Variants in CDH8 observed in about 807,000 individuals in gnomAD.
CDH8 encodes the protein cadherin-8.
In CDH8, 17 loss-of-function variants were observed where a neutral mutation model predicts 68.1. That is an observed-to-expected ratio of 0.25 (90% confidence interval 0.17 to 0.37). CDH8 has a LOEUF of 0.37. Among genes scored for constraint, CDH8 ranks in the 10% least tolerant of loss-of-function variants. The pLI is 1.00. For missense variants in CDH8, 763 were observed against 999.3 expected (o/e 0.76, Z 3.19); for synonymous variants, 372 against 365.1 (o/e 1.02, Z -0.21).
chr16:61,657,248 T>C (rs1963466056), intron 10 of CDH8, among the ~76,000 whole-genome samples: 1 of 152,260 alleles, frequency 6.6e-6, no homozygotes, highest in South Asian at 2.1e-4. Flanking sequence ...GGAAAACTAC[T>C]GTACCATATA....
intron 7 of CDH8, among the ~76,000 whole-genome samples, chr16:61,796,992 A>T (rs1363515669): frequency 6.6e-6 from 1 of 152,100 alleles, no homozygotes; most frequent in Non-Finnish European, 1.5e-5. Flanking sequence ...GTTGATATTA[A>T]ATAGAAACTT....
intron 10 of CDH8, among the ~76,000 whole-genome samples, chr16:61,670,623 T>C (rs1458882064): frequency 6.6e-6 from 1 of 152,050 alleles, no homozygotes; most frequent in Non-Finnish European, 1.5e-5. Context: ...GAATTATTAC[T>C]TGTTGATTAA....
intron 2 of CDH8, among the ~76,000 whole-genome samples, chr16:61,953,923 ATAT>A (rs1964939988): frequency 2.1e-5 from 3 of 141,162 alleles, no homozygotes; most frequent in African/African-American, 5.3e-5. Context: ...ATATATATAT[ATAT>A]AAAATACCTT....
chr16:61,824,554 T>A, intron 5 of CDH8, among the ~76,000 whole-genome samples: 1 of 151,468 alleles, frequency 6.6e-6, no homozygotes. Flanking sequence ...AAGAGTGGAG[T>A]CTTACTGATG....
At chr16:61,796,172 A>G (rs1391335500) in intron 7 of CDH8, among the ~76,000 whole-genome samples, 4 of 152,078 alleles carry the variant, frequency 2.6e-5, no homozygotes, top group African/African-American at 4.8e-5. Context: ...AAAAAAGGGA[A>G]TAGATAAGAG....
chr16:61,999,365 A>T (rs1219091071), intron 2 of CDH8, among the ~76,000 whole-genome samples: 2 of 152,230 alleles, frequency 1.3e-5, no homozygotes, highest in African/African-American at 4.8e-5. Context: ...GCTATTAAAA[A>T]GGAAGATTGA....
intron 2 of CDH8, among the ~76,000 whole-genome samples, chr16:61,930,319 G>A (rs535565045): frequency 3.4e-5 from 5 of 146,174 alleles, no homozygotes; most frequent in African/African-American, 5.2e-5. Flanking sequence ...CTATGTATAC[G>A]CAGGCATTTT....
chr16:61,836,622 A>G (rs1436747230), intron 4 of CDH8, among the ~76,000 whole-genome samples: 1 of 151,934 alleles, frequency 6.6e-6, no homozygotes, highest in Admixed American at 6.6e-5. Flanking sequence ...TCAATGAGAG[A>G]TCTTTGGCCA....
chr16:61,700,501 G>C (rs60665652), intron 10 of CDH8, among the ~76,000 whole-genome samples: 21,251 of 151,892 alleles, frequency 0.14, 1,616 homozygotes, highest in African/African-American at 0.2. Context: ...GGATGGTCTC[G>C]ATCTCTTAAC....
intron 8 of CDH8, among the ~76,000 whole-genome samples, chr16:61,743,836 CCATGT>C (rs1191195216): frequency 6.6e-6 from 1 of 152,054 alleles, no homozygotes; most frequent in Non-Finnish European, 1.5e-5. Flanking sequence ...ACATGATTTG[CCATGT>C]CATTGTTTTG....
At chr16:61,883,059 CTGG>C (rs1186651934) in intron 3 of CDH8, among the ~76,000 whole-genome samples, 1 of 152,172 alleles carries the variant, frequency 6.6e-6, no homozygotes, top group Non-Finnish European at 1.5e-5. Context: ...CCTTCACATT[CTGG>C]GTAAGCCTCA....
chr16:61,713,701 C>T (rs995860405), intron 10 of CDH8, 140 bp downstream of exon 10: 5 of 577,870 alleles, frequency 8.7e-6, no homozygotes, highest in Admixed American at 3.2e-5. Flanking sequence ...AATTACCATG[C>T]CATTATACTG....
At chr16:61,728,265 G>A (rs1443135190) in intron 8 of CDH8, among the ~76,000 whole-genome samples, 1 of 135,300 alleles carries the variant, frequency 7.4e-6, no homozygotes, top group Non-Finnish European at 1.6e-5. Flanking sequence ...TTTTTTTTTT[G>A]GTTAAAGATA....
intron 2 of CDH8, among the ~76,000 whole-genome samples, chr16:61,963,377 T>G (rs2150572769): frequency 6.6e-6 from 1 of 152,346 alleles, no homozygotes; most frequent in South Asian, 2.1e-4. Flanking sequence ...TTAAGTTGAC[T>G]TTTTACTCAA....
chr16:61,911,058 G>C lies in CDH8; in HGVS notation c.253-9585C>G, dbSNP rs114256879. Among the ~76,000 whole-genome samples the C allele has an allele frequency of 8.5e-3, 1,286 of 152,134 alleles. 26 individuals carry two copies. Among genetic ancestry groups the C allele is most frequent in the African/African-American group, 0.03 (1,239 of 41,520 alleles). ...GGAAGAGGGTGGTCGATGTGCACTG[G>C]GTCAGTGAATAAATACTTGAGTGGG... On this transcript the variant is annotated intron_variant, in intron 2 of 11. Transcript: ENST00000577390.
At chr16:61,776,409 T>C (rs1292500369) in intron 8 of CDH8, among the ~76,000 whole-genome samples, 1 of 151,160 alleles carries the variant, frequency 6.6e-6, no homozygotes, top group East Asian at 2.0e-4. Flanking sequence ...ATAACCTCTA[T>C]TGTTATAAAA....
chr16:61,823,435 T>C (rs1380718389), intron 5 of CDH8, among the ~76,000 whole-genome samples: 4 of 151,918 alleles, frequency 2.6e-5, no homozygotes, highest in South Asian at 4.1e-4. Context: ...CAACTGAAAA[T>C]GCAATCTTTC....
intron 2 of CDH8, among the ~76,000 whole-genome samples, chr16:61,925,612 A>G (rs1361008339): frequency 6.6e-6 from 1 of 152,204 alleles, no homozygotes; most frequent in African/African-American, 2.4e-5. Flanking sequence ...TTAATGCATC[A>G]TGTGTAATTA....
At chr16:61,878,186 T>C (rs1963498214) in intron 3 of CDH8, among the ~76,000 whole-genome samples, 2 of 152,212 alleles carry the variant, frequency 1.3e-5, no homozygotes, top group South Asian at 4.1e-4. Flanking sequence ...GCATCCTTAA[T>C]AAGATGGCCA....
Sources: gnomAD v4.1 joint callset for allele counts (sites outside exome capture counted in the v4.1 genomes callset) on GRCh38, gnomAD v4.1.1 for gene constraint, MANE v1.5 for transcripts, NCBI Gene and HGNC (gene_info 2026-07-23, HGNC 2026-07-21) for gene names.